Variants in SLC44A1 observed in about 807,000 individuals in gnomAD.
SLC44A1 encodes solute carrier family 44 member 1, also known as choline transporter-like protein 1.
A neutral mutation model predicts 79.3 loss-of-function variants in SLC44A1; 26 were observed. That is an observed-to-expected ratio of 0.33 (90% CI 0.24 to 0.46). The LOEUF is 0.46. Among genes scored for constraint, SLC44A1 ranks in the 20% least tolerant of loss-of-function variants. SLC44A1 has a pLI of 1.00. For missense variants in SLC44A1, 688 were observed against 798.1 expected (o/e 0.86, Z 1.66); for synonymous variants, 263 against 286.2 (o/e 0.92, Z 0.82).
intron 15 of SLC44A1, among the ~76,000 whole-genome samples, chr9:105,405,773 T>C (rs926337878): frequency 6.6e-6 from 1 of 152,114 alleles, no homozygotes; most frequent in African/African-American, 2.4e-5. Context: ...CCAAGTGACA[T>C]TTGTCAATGG....
At chr9:105,294,472 T>A in intron 1 of SLC44A1, among the ~76,000 whole-genome samples, 1 of 152,108 alleles carries the variant, frequency 6.6e-6, no homozygotes, top group Non-Finnish European at 1.5e-5. Flanking sequence ...CGTTTTCCTT[T>A]CAGCGATTTA....
intron 15 of SLC44A1, among the ~76,000 whole-genome samples, chr9:105,427,791 C>T (rs1829342439): frequency 6.6e-6 from 1 of 152,176 alleles, no homozygotes. Context: ...ATCCTTTGTA[C>T]TAAAGTCTAT....
intron 15 of SLC44A1, among the ~76,000 whole-genome samples, chr9:105,432,186 C>T (rs78126563): frequency 0.041 from 6,252 of 152,228 alleles, 413 homozygotes; most frequent in African/African-American, 0.14. Flanking sequence ...GCTCTCAAAC[C>T]GTTGGGATTA....
intron 1 of SLC44A1, among the ~76,000 whole-genome samples, chr9:105,255,986 G>C (rs752346364): frequency 3.3e-5 from 5 of 152,088 alleles, no homozygotes; most frequent in Non-Finnish European, 5.9e-5. Context: ...TTGTGTTTGA[G>C]TTTTGGAAAG....
chr9:105,377,133 A>G (rs546606745), intron 13 of SLC44A1, among the ~76,000 whole-genome samples: 2 of 152,340 alleles, frequency 1.3e-5, no homozygotes, highest in African/African-American at 2.4e-5. Flanking sequence ...CCAATTGTAA[A>G]CAATCTGATG....
chr9:105,355,549 A>T (rs1044510774), intron 5 of SLC44A1, among the ~76,000 whole-genome samples: 1 of 152,212 alleles, frequency 6.6e-6, no homozygotes, highest in African/African-American at 2.4e-5. Flanking sequence ...CATTAGATAT[A>T]CTTTTCCCCT....
intron 13 of SLC44A1, among the ~76,000 whole-genome samples, chr9:105,380,856 G>T (rs1828441578): frequency 6.6e-6 from 1 of 152,142 alleles, no homozygotes; most frequent in African/African-American, 2.4e-5. Context: ...CAACCAACCA[G>T]ACTCTGGGAT....
intron 15 of SLC44A1, chr9:105,385,850 T>C (rs1828613642): frequency 1.0e-6 from 1 of 985,324 alleles, no homozygotes; most frequent in South Asian, 4.7e-5. Context: ...CATTTTGGTG[T>C]ACACTTGAAC....
chr9:105,393,692 T>C lies in SLC44A1; in HGVS notation c.*4636T>C. 1 of 984,738 alleles carries C rather than the reference T, an allele frequency of 1.0e-6. No individual in the cohort carries two copies. The highest frequency in any genetic ancestry group is 4.7e-5 in the South Asian group (1 of 21,272). The allele number at this position is 984,738 out of a possible 1,614,324, so 61.0% of individuals were successfully genotyped here. A position where few individuals can be genotyped will look rare whatever the true frequency, so the allele number is the denominator to read the frequency against. ...ACAAATGATGATTCAGTTTCAATATTGCATGAACAATTGCCACTTTGTAAA... is the reference window on the plus strand; with the variant it reads ...ACAAATGATGATTCAGTTTCAATATCGCATGAACAATTGCCACTTTGTAAA... On this transcript the variant is annotated 3_prime_UTR_variant, in exon 16 of 16. Transcript: ENST00000374720.
intron 1 of SLC44A1, 91 bp downstream of exon 1, chr9:105,244,995 G>A: frequency 2.1e-6 from 1 of 487,540 alleles, no homozygotes; most frequent in Non-Finnish European, 2.9e-6. Context: ...ACCTCTCGCT[G>A]TCCCCAGCCT....
chr9:105,395,702 T>C lies in SLC44A1; in HGVS notation c.*6646T>C, dbSNP rs767714798. ...TTCGTGTATGAATCTGATCCACCCATCCTGTCAGCTAGGATTATAATTTGA... is the reference window on the plus strand; with the variant it reads ...TTCGTGTATGAATCTGATCCACCCACCCTGTCAGCTAGGATTATAATTTGA... On this transcript the variant is annotated 3_prime_UTR_variant, in exon 16 of 16. Coordinates refer to ENST00000374720, the MANE Select transcript of SLC44A1 (RefSeq NM_080546.5). 1.0e-6 allele frequency: 1 copy of C among 985,310 alleles called. No homozygotes were observed. The highest frequency in any genetic ancestry group is 1.2e-6 in the Non-Finnish European group (1 of 829,890). The allele number at this position is 985,310 out of a possible 1,614,324, so 61.0% of individuals were successfully genotyped here.
chr9:105,276,906 T>C (rs1053044061), intron 1 of SLC44A1, among the ~76,000 whole-genome samples: 3 of 152,178 alleles, frequency 2.0e-5, no homozygotes, highest in Admixed American at 6.5e-5. Flanking sequence ...GAAGATATTA[T>C]GGGGTTTCGA....
chr9:105,303,510 A>G (rs1382743644), intron 2 of SLC44A1, among the ~76,000 whole-genome samples: 1 of 152,176 alleles, frequency 6.6e-6, no homozygotes, highest in Non-Finnish European at 1.5e-5. Flanking sequence ...GCTGCTTACT[A>G]TGAGCTAGAC....
chr9:105,341,062 G>T (rs144774900), intron 4 of SLC44A1, among the ~76,000 whole-genome samples: 1 of 152,052 alleles, frequency 6.6e-6, no homozygotes, highest in Non-Finnish European at 1.5e-5. Flanking sequence ...CTGGCCAGGC[G>T]CATGGCTCAC....
Position 105,389,299 on chromosome 9 carries a change from C to G in SLC44A1, c.*243C>G. On this transcript the variant is annotated 3_prime_UTR_variant, in exon 16 of 16. Coordinates refer to ENST00000374720, the MANE Select transcript of SLC44A1 (RefSeq NM_080546.5). ...CATACGGGTGGCTTTTACAAGGCAA[C>G]TTCCGTCATTTAATGTTTTCAACTG... The G allele has an allele frequency of 9.2e-6, 11 of 1,197,790 alleles. No individual in the cohort carries two copies. Among genetic ancestry groups the G allele is most frequent in the Non-Finnish European group, 1.1e-5 (11 of 965,048 alleles). 74.2% of individuals were successfully genotyped at this position (1,197,790 alleles called of 1,614,324 possible).
Position 105,354,039 on chromosome 9 carries a change from C to CTTTTTTTTTT in SLC44A1, c.501-2153_501-2144dup, listed in dbSNP as rs556502972. 2.5e-4 allele frequency among the ~76,000 whole-genome samples: 25 copies of CTTTTTTTTTT among 98,484 alleles called. 4 individuals are homozygous for CTTTTTTTTTT. The highest frequency in any genetic ancestry group is 1.3e-3 in the African/African-American group (25 of 19,764). 64.6% of individuals were successfully genotyped at this position (98,484 alleles called of 152,430 possible). ...TTGACTTAGAAATTTACAGTTAATC[C>CTTTTTTTTTT]TTTTTTTTTTTTTTTTTTTTTTTTT... On this transcript the variant is annotated intron_variant, in intron 5 of 15. Coordinates refer to ENST00000374720, the MANE Select transcript of SLC44A1 (RefSeq NM_080546.5).
chr9:105,251,204 A>G (rs1475944125), intron 1 of SLC44A1, among the ~76,000 whole-genome samples: 1 of 151,526 alleles, frequency 6.6e-6, no homozygotes, highest in Non-Finnish European at 1.5e-5. Flanking sequence ...CGTACCCCTC[A>G]CCCCCGGCTT....
intron 12 of SLC44A1, among the ~76,000 whole-genome samples, chr9:105,369,082 T>C (rs1417073181): frequency 6.6e-6 from 1 of 152,170 alleles, no homozygotes; most frequent in Non-Finnish European, 1.5e-5. Context: ...TGCAACACAC[T>C]TGTAATTTTT....
At chr9:105,381,639 G>A (rs1300314950) in intron 13 of SLC44A1, among the ~76,000 whole-genome samples, 1 of 151,650 alleles carries the variant, frequency 6.6e-6, no homozygotes, top group Non-Finnish European at 1.5e-5. Flanking sequence ...AAAAATGGAA[G>A]TAATTAACCA....
Sources: gnomAD v4.1 joint callset for allele counts (sites outside exome capture counted in the v4.1 genomes callset) on GRCh38, gnomAD v4.1.1 for gene constraint, MANE v1.5 for transcripts, NCBI Gene and HGNC (gene_info 2026-07-23, HGNC 2026-07-21) for gene names.